The following GSAP variants were observed in gnomAD, a reference collection of about 807,000 sequenced individuals.
The protein encoded by GSAP is gamma-secretase-activating protein.
In GSAP, 118 loss-of-function variants were observed where a neutral mutation model predicts 131.7. The ratio of observed to expected loss-of-function variants is 0.90; its 90% CI spans 0.77 to 1.04. The LOEUF is 1.04. Ranked by LOEUF, GSAP falls within the 50% of genes least tolerant of loss-of-function variation. The pLI, the probability that GSAP is intolerant of heterozygous loss-of-function variation, is 0.00. For synonymous variants in GSAP, 381 were observed against 363.4 expected (o/e 1.05, Z -0.55); for missense variants, 1,019 against 1,013.2 (o/e 1.01, Z -0.08).
chr7:77,377,403 A>C lies in GSAP; in HGVS notation c.577-13T>G, dbSNP rs753993082. The stretch of plus-strand genomic sequence containing the variant: ...AATTTTTAATCACCTAAAAATGCAA[A>C]AAAAAAAAAAAAAAAAAAAGTATGA... On this transcript the variant is annotated splice_polypyrimidine_tract_variant and intron_variant, in intron 8 of 30. Transcript: ENST00000257626. 1 of 152,694 alleles carries C rather than the reference A, an allele frequency of 6.5e-6. No individual in the cohort carries two copies. The highest frequency in any genetic ancestry group is 1.2e-4 in the African/African-American group (1 of 8,056). 9.5% of individuals were successfully genotyped at this position (152,694 alleles called of 1,614,324 possible). A position where few individuals can be genotyped will look rare whatever the true frequency, so the allele number is the denominator to read the frequency against.
chr7:77,360,616 C>A (rs1017871214), intron 14 of GSAP, among the ~76,000 whole-genome samples: 1 of 152,190 alleles, frequency 6.6e-6, no homozygotes, highest in Non-Finnish European at 1.5e-5. Context: ...CAACCCCCAA[C>A]CCTTTTCAAG....
intron 26 of GSAP, chr7:77,314,946 T>G (rs1794810466): frequency 6.5e-6 from 1 of 154,008 alleles, no homozygotes; most frequent in Non-Finnish European, 1.4e-5. Context: ...GAGAAAGGCT[T>G]TTAGAGTCTA....
intron 3 of GSAP, among the ~76,000 whole-genome samples, chr7:77,398,377 C>T (rs1337245793): frequency 6.6e-6 from 1 of 151,906 alleles, no homozygotes; most frequent in Admixed American, 6.6e-5. Context: ...TGAGAATTGT[C>T]GGTTTCCTTT....
At chr7:77,378,254 G>A (rs1477330070) in intron 8 of GSAP, among the ~76,000 whole-genome samples, 2 of 152,128 alleles carry the variant, frequency 1.3e-5, no homozygotes, top group African/African-American at 4.8e-5. Context: ...GGCCGAGGTA[G>A]GTGGATTACC....
intron 8 of GSAP, among the ~76,000 whole-genome samples, chr7:77,379,452 T>C (rs775074642): frequency 6.6e-6 from 1 of 151,886 alleles, no homozygotes; most frequent in Non-Finnish European, 1.5e-5. Flanking sequence ...AAGGCAGAAG[T>C]ACTTCTTGGA....
chr7:77,377,256 AAAG>A, intron 9 of GSAP, 27 bp downstream of exon 9: 5 of 1,429,920 alleles, frequency 3.5e-6, no homozygotes, highest in South Asian at 1.7e-5. Flanking sequence ...AAAAAAAAAA[AAAG>A]GAGTGCCCGT....
chr7:77,382,751 G>C lies in GSAP; in HGVS notation c.457-108C>G, dbSNP rs1797988266. On this transcript the variant is annotated intron_variant, in intron 6 of 30. Coordinates refer to ENST00000257626, the MANE Select transcript of GSAP (RefSeq NM_017439.4). ...TATTACATACCATTGAAGAAACTGGGAATCACAGAAGAGTTTAGGGGAATC... is the reference window on the plus strand; with the variant it reads ...TATTACATACCATTGAAGAAACTGGCAATCACAGAAGAGTTTAGGGGAATC... 14 of 617,348 alleles carry C rather than the reference G, an allele frequency of 2.3e-5. No homozygotes were observed. The South Asian group carries it at 2.6e-4, about 12-fold the overall frequency. 38.2% of individuals were successfully genotyped at this position (617,348 alleles called of 1,614,324 possible). A position where few individuals can be genotyped will look rare whatever the true frequency, so the allele number is the denominator to read the frequency against.
intron 3 of GSAP, among the ~76,000 whole-genome samples, chr7:77,399,555 G>A (rs1184873648): frequency 6.6e-6 from 1 of 152,146 alleles, no homozygotes; most frequent in Non-Finnish European, 1.5e-5. Context: ...ACAGAAGGTG[G>A]GAGAAAGAGG....
intron 22 of GSAP, among the ~76,000 whole-genome samples, chr7:77,327,755 C>T (rs1427835130): frequency 6.6e-5 from 10 of 152,108 alleles, no homozygotes; most frequent in African/African-American, 2.4e-4. Flanking sequence ...GGCCAAGTCC[C>T]CTTTGTTTAT....
At chr7:77,352,904 T>G in intron 18 of GSAP, 40 bp downstream of exon 18, 1 of 1,166,922 alleles carries the variant, frequency 8.6e-7, no homozygotes, top group Non-Finnish European at 1.3e-6. Context: ...CAACTGTGAA[T>G]TGATTTTATT....
intron 18 of GSAP, chr7:77,351,794 T>C: frequency 2.3e-6 from 2 of 869,514 alleles, no homozygotes; most frequent in Non-Finnish European, 2.8e-6. Context: ...GAACCAGTGG[T>C]CCCAGCTGCC....
intron 1 of GSAP, among the ~76,000 whole-genome samples, chr7:77,411,467 G>A (rs1038478419): frequency 6.6e-6 from 1 of 152,208 alleles, no homozygotes; most frequent in African/African-American, 2.4e-5. Flanking sequence ...CTATTATAGT[G>A]CTATATACCA....
At chr7:77,324,773 G>A (rs1313927340) in intron 23 of GSAP, among the ~76,000 whole-genome samples, 5 of 147,304 alleles carry the variant, frequency 3.4e-5, no homozygotes, top group Admixed American at 2.7e-4. Flanking sequence ...TTTTCCTGGC[G>A]TGCACACCCA....
At position 77,353,054 on chromosome 7, in the gene GSAP, GAA is replaced by G. The variant is rs144288006; in HGVS notation, c.1409-30_1409-29del. The G allele has an allele frequency of 2.4e-6, 3 of 1,226,678 alleles. No homozygotes were observed. In the Admixed American group the frequency reaches 5.2e-5, roughly 21 times the overall value. 76.0% of individuals were successfully genotyped at this position (1,226,678 alleles called of 1,614,324 possible). On this transcript the variant is annotated intron_variant, in intron 17 of 30. Coordinates refer to ENST00000257626, the MANE Select transcript of GSAP (RefSeq NM_017439.4). ...GAGTAGATTTTTTTTGAAACAGGGG[GAA>G]AAAAGATGTGGTTTAATAAGATGAT...
At chr7:77,357,037 C>T (rs921524720) in intron 14 of GSAP, among the ~76,000 whole-genome samples, 3 of 152,158 alleles carry the variant, frequency 2.0e-5, no homozygotes, top group Non-Finnish European at 2.9e-5. Context: ...GAAAGGGTAT[C>T]GGCATCAAAT....
rs555082224 is a variant in GSAP at position 77,361,197 on chromosome 7, A to C, written c.950-296T>G. ...AGGAATTTACTTAAAGATCCAAGAG[A>C]TAGAGATGACCACATGGCTCATTGG... On this transcript the variant is annotated intron_variant, in intron 13 of 30. Transcript: ENST00000257626. Among the ~76,000 whole-genome samples the C allele has an allele frequency of 2.1e-3, 313 of 152,318 alleles. 1 individual carries two copies. Among genetic ancestry groups the C allele is most frequent in the Non-Finnish European group, 3.7e-3 (249 of 68,022 alleles).
At chr7:77,415,956 A>C in intron 1 of GSAP, 2 of 374,520 alleles carry the variant, frequency 5.3e-6, no homozygotes, top group Non-Finnish European at 9.6e-6. Context: ...CCAAGGGCGA[A>C]TTTCCGCGGG....
chr7:77,382,790 C>G (rs1639936139), intron 6 of GSAP, 147 bp from the exon 7 acceptor site: 1 of 541,360 alleles, frequency 1.8e-6, no homozygotes, highest in Admixed American at 2.9e-5. Context: ...TGCACACACA[C>G]ATTGCAGGTC....
At chr7:77,346,299 GA>G (rs1035855960) in intron 19 of GSAP, among the ~76,000 whole-genome samples, 10 of 129,578 alleles carry the variant, frequency 7.7e-5, no homozygotes, top group Non-Finnish European at 1.1e-4. Flanking sequence ...AAGAAAGAAA[GA>G]AAAAAAATTC....
Sources: gnomAD v4.1 joint callset for allele counts (sites outside exome capture counted in the v4.1 genomes callset) on GRCh38, gnomAD v4.1.1 for gene constraint, MANE v1.5 for transcripts, NCBI Gene and HGNC (gene_info 2026-07-23, HGNC 2026-07-21) for gene names.